RGL1: variants seen among roughly 807,000 people sequenced by gnomAD.
The protein encoded by RGL1 is ral guanine nucleotide dissociation stimulator-like 1.
Under a neutral mutation model 95.2 loss-of-function variants are expected in RGL1, and 24 were observed. That is an observed-to-expected ratio of 0.25 (90% CI 0.18 to 0.35). The LOEUF (loss-of-function observed/expected upper bound fraction) is 0.35, where lower values mean the gene tolerates loss of function less well. Among genes scored for constraint, RGL1 ranks in the 10% least tolerant of loss-of-function variants. The probability of loss-of-function intolerance (pLI) is 1.00; values close to 1 mark genes in which losing one functional copy is unlikely to be tolerated. For synonymous variants in RGL1, 329 were observed against 344.9 expected (o/e 0.95, Z 0.51); for missense variants, 715 against 936.3 (o/e 0.76, Z 3.08).
At chr1:183,848,548 G>T (rs1290427370) in intron 3 of RGL1, among the ~76,000 whole-genome samples, 1 of 152,156 alleles carries the variant, frequency 6.6e-6, no homozygotes, top group Admixed American at 6.5e-5. Context: ...ACGGCTTTCT[G>T]TTGGGCTTGT....
intron 4 of RGL1, among the ~76,000 whole-genome samples, chr1:183,877,371 T>G (rs1666558845): frequency 6.6e-6 from 1 of 152,236 alleles, no homozygotes; most frequent in Non-Finnish European, 1.5e-5. Context: ...GTAATCCTGT[T>G]TTTCTTTTCA....
intron 2 of RGL1, among the ~76,000 whole-genome samples, chr1:183,817,883 G>A (rs777085251): frequency 6.6e-6 from 1 of 152,172 alleles, no homozygotes; most frequent in Non-Finnish European, 1.5e-5. Flanking sequence ...TTCAGACAAC[G>A]TACTGTTAAG....
chr1:183,693,585 T>A (rs1312747837), intron 1 of RGL1, among the ~76,000 whole-genome samples: 1 of 151,332 alleles, frequency 6.6e-6, no homozygotes, highest in Non-Finnish European at 1.5e-5. Context: ...GATTACTTTT[T>A]TTTTTTTTGG....
intron 3 of RGL1, among the ~76,000 whole-genome samples, chr1:183,850,384 CTATT>C (rs1282498887): frequency 6.6e-6 from 1 of 152,046 alleles, no homozygotes; most frequent in Non-Finnish European, 1.5e-5. Flanking sequence ...GTAGTCATAT[CTATT>C]AGTCTTAAGA....
intron 1 of RGL1, among the ~76,000 whole-genome samples, chr1:183,732,616 T>A (rs1656694548): frequency 1.3e-5 from 2 of 152,130 alleles, no homozygotes; most frequent in African/African-American, 4.8e-5. Context: ...TTAACCTTAG[T>A]GAAAATATAA....
At chr1:183,691,716 T>C (rs1653955247) in intron 1 of RGL1, among the ~76,000 whole-genome samples, 1 of 152,224 alleles carries the variant, frequency 6.6e-6, no homozygotes, top group Admixed American at 6.5e-5. Flanking sequence ...TAGTAAGCCA[T>C]ATTTTTACAT....
intron 5 of RGL1, among the ~76,000 whole-genome samples, chr1:183,881,841 CA>C (rs1470026223): frequency 6.6e-6 from 1 of 152,196 alleles, no homozygotes; most frequent in African/African-American, 2.4e-5. Flanking sequence ...GTTTGAATAC[CA>C]GGGGCACTCC....
At chr1:183,702,829 C>T (rs201183580) in intron 1 of RGL1, among the ~76,000 whole-genome samples, 22 of 152,302 alleles carry the variant, frequency 1.4e-4, no homozygotes, top group Admixed American at 3.9e-4. Flanking sequence ...CAACACAAGG[C>T]GGTGTGGAGC....
chr1:183,789,678 C>T (rs1458921537), intron 2 of RGL1, among the ~76,000 whole-genome samples: 2 of 152,016 alleles, frequency 1.3e-5, no homozygotes, highest in Non-Finnish European at 2.9e-5. Flanking sequence ...GATTTCTGCT[C>T]TATTTAACCA....
At chr1:183,670,170 C>T (rs1005956167) in intron 1 of RGL1, among the ~76,000 whole-genome samples, 1 of 152,214 alleles carries the variant, frequency 6.6e-6, no homozygotes, top group South Asian at 2.1e-4. Flanking sequence ...CACTCCCACA[C>T]TTTACATGGG....
chr1:183,776,400 G>A (rs901936798), intron 2 of RGL1, among the ~76,000 whole-genome samples: 1 of 151,584 alleles, frequency 6.6e-6, no homozygotes, highest in Non-Finnish European at 1.5e-5. Flanking sequence ...CGCCCGCCTC[G>A]GCCTCCCAAA....
intron 8 of RGL1, among the ~76,000 whole-genome samples, chr1:183,891,750 T>TG (rs955295607): frequency 1.4e-5 from 2 of 143,734 alleles, no homozygotes; most frequent in African/African-American, 2.6e-5. Flanking sequence ...TTTTTTTTTT[T>TG]TTTTTTTTTT....
intron 1 of RGL1, among the ~76,000 whole-genome samples, chr1:183,678,104 G>A (rs1652956004): frequency 6.6e-6 from 1 of 152,126 alleles, no homozygotes; most frequent in Non-Finnish European, 1.5e-5. Context: ...GGGGTTGGAG[G>A]ATTAATAATT....
intron 4 of RGL1, among the ~76,000 whole-genome samples, chr1:183,871,820 G>T (rs1666201335): frequency 6.6e-6 from 1 of 152,198 alleles, no homozygotes; most frequent in African/African-American, 2.4e-5. Context: ...CGGAGTACTT[G>T]TAATTCCAGT....
chr1:183,915,624 C>A (rs1447598459), intron 15 of RGL1, among the ~76,000 whole-genome samples: 1 of 152,240 alleles, frequency 6.6e-6, no homozygotes, highest in African/African-American at 2.4e-5. Flanking sequence ...GAATCTTATT[C>A]TCCTCGTCTT....
intron 17 of RGL1, among the ~76,000 whole-genome samples, chr1:183,922,650 G>A (rs1375060263): frequency 6.6e-6 from 1 of 152,076 alleles, no homozygotes; most frequent in Middle Eastern, 3.4e-3. Context: ...GAGGCAGAGG[G>A]TAGGGGAGTC....
At chr1:183,778,353 G>T (rs767009796) in intron 2 of RGL1, among the ~76,000 whole-genome samples, 1 of 152,152 alleles carries the variant, frequency 6.6e-6, no homozygotes, top group Non-Finnish European at 1.5e-5. Context: ...AAAATCTAGC[G>T]GGGGAGAAGG....
chr1:183,831,015 T>C (rs1016790111), intron 2 of RGL1, among the ~76,000 whole-genome samples: 1 of 152,234 alleles, frequency 6.6e-6, no homozygotes, highest in East Asian at 1.9e-4. Flanking sequence ...CATTATTTTA[T>C]GCACCAGAGA....
chr1:183,660,202 TAAC>T (rs1237781656), intron 1 of RGL1, among the ~76,000 whole-genome samples: 1 of 152,078 alleles, frequency 6.6e-6, no homozygotes, highest in Admixed American at 6.5e-5. Context: ...AATTCACCCA[TAAC>T]AATATTAATT....
Sources: gnomAD v4.1 joint callset for allele counts (sites outside exome capture counted in the v4.1 genomes callset) on GRCh38, gnomAD v4.1.1 for gene constraint, MANE v1.5 for transcripts, NCBI Gene and HGNC (gene_info 2026-07-23, HGNC 2026-07-21) for gene names.